Variants in SNTG1 observed in about 807,000 individuals in gnomAD.
SNTG1 encodes the protein syntrophin gamma 1.
In SNTG1, 39 loss-of-function variants were observed where a neutral mutation model predicts 74.7. The ratio of observed to expected loss-of-function variants is 0.52; its 90% CI spans 0.40 to 0.68. SNTG1 has a LOEUF of 0.68. Among genes scored for constraint, SNTG1 ranks in the 30% least tolerant of loss-of-function variants. The pLI is 0.00. For synonymous variants in SNTG1, 254 were observed against 217.1 expected, an observed-to-expected ratio of 1.17 and a Z score of -1.49; for missense variants, 685 against 609.5, an observed-to-expected ratio of 1.12 and a Z score of -1.30.
At chr8:50,410,080 ACTAATAT>A (rs2092927765) in intron 4 of SNTG1, among the ~76,000 whole-genome samples, 1 of 152,240 alleles carries the variant, frequency 6.6e-6, no homozygotes, top group African/African-American at 2.4e-5. Flanking sequence ...CTTTAAGAGA[ACTAATAT>A]CTACTATTAA....
intron 2 of SNTG1, among the ~76,000 whole-genome samples, chr8:50,354,594 GT>G (rs915060164): frequency 7.9e-5 from 12 of 152,088 alleles, no homozygotes; most frequent in Non-Finnish European, 1.2e-4. Context: ...TGTTATATTA[GT>G]TTTTTTTATT....
chr8:50,105,205 T>C (rs1351958155), intron 1 of SNTG1, among the ~76,000 whole-genome samples: 1 of 152,188 alleles, frequency 6.6e-6, no homozygotes, highest in Non-Finnish European at 1.5e-5. Context: ...TTGATTTATG[T>C]ATATGGCGTA....
intron 17 of SNTG1, among the ~76,000 whole-genome samples, chr8:50,740,607 A>G (rs2095540946): frequency 6.6e-6 from 1 of 152,104 alleles, no homozygotes; most frequent in Non-Finnish European, 1.5e-5. Context: ...TAAAAATAGA[A>G]ATATTATTTA....
intron 2 of SNTG1, among the ~76,000 whole-genome samples, chr8:50,253,794 T>A (rs1369872170): frequency 6.6e-6 from 1 of 151,800 alleles, no homozygotes; most frequent in Non-Finnish European, 1.5e-5. Context: ...AAGAACATTA[T>A]GTTAAGTGAA....
chr8:50,653,077 C>G (rs894886180), intron 13 of SNTG1, among the ~76,000 whole-genome samples: 11 of 151,816 alleles, frequency 7.2e-5, no homozygotes, highest in African/African-American at 2.2e-4. Flanking sequence ...CTTACAGAGA[C>G]AGAATATAGG....
rs60897202 is a variant in SNTG1 at position 50,734,920 on chromosome 8, T to G, written c.1285-17081T>G. ...GGACATATATATATCTATATATATG[T>G]CCATATACATATATAGATATATATG... On this transcript the variant is annotated intron_variant, in intron 17 of 18. Transcript: ENST00000642720. Among the ~76,000 whole-genome samples the G allele has an allele frequency of 2.0e-3, 279 of 140,198 alleles. 2 individuals carry two copies. The highest frequency in any genetic ancestry group is 3.9e-3 in the African/African-American group (147 of 38,104). The allele number at this position is 140,198 out of a possible 152,430, so 92.0% of individuals were successfully genotyped here. A position where few individuals can be genotyped will look rare whatever the true frequency, so the allele number is the denominator to read the frequency against.
chr8:50,700,222 T>C (rs1458927934), intron 15 of SNTG1, among the ~76,000 whole-genome samples: 1 of 152,174 alleles, frequency 6.6e-6, no homozygotes, highest in Non-Finnish European at 1.5e-5. Flanking sequence ...TCTAAGAGTA[T>C]CTTATTTAGT....
rs1050083854 is a variant in SNTG1 at position 50,361,117 on chromosome 8, T to G, written c.-27-33095T>G. Among the ~76,000 whole-genome samples, 9 of 152,184 alleles carry G rather than the reference T, an allele frequency of 5.9e-5. 1 individual carries two copies. Among genetic ancestry groups the G allele is most frequent in the Admixed American group, 3.9e-4 (6 of 15,278 alleles). On this transcript the variant is annotated intron_variant, in intron 2 of 18. Transcript: ENST00000642720. ...TCCTTGTTCTATAAGCTTTTTTCTA[T>G]TTTATTTTTTGAATTTTAACTTTTT...
intron 1 of SNTG1, among the ~76,000 whole-genome samples, chr8:49,958,226 G>T (rs1041807358): frequency 6.6e-6 from 1 of 152,098 alleles, no homozygotes; most frequent in Admixed American, 6.5e-5. Context: ...CAGCACTTTA[G>T]GTTCACTGTA....
At chr8:50,771,383 T>A (rs1035692005) in intron 18 of SNTG1, among the ~76,000 whole-genome samples, 1 of 152,212 alleles carries the variant, frequency 6.6e-6, no homozygotes, top group Non-Finnish European at 1.5e-5. Flanking sequence ...AAGGTCAAAC[T>A]TAAGAGTGAT....
intron 13 of SNTG1, among the ~76,000 whole-genome samples, chr8:50,621,043 C>T (rs1485165541): frequency 6.9e-6 from 1 of 144,434 alleles, no homozygotes; most frequent in African/African-American, 2.6e-5. Context: ...TTATGCAGGG[C>T]TGTAACCATA....
At chr8:50,689,425 A>G (rs1057430623) in intron 15 of SNTG1, among the ~76,000 whole-genome samples, 1 of 152,250 alleles carries the variant, frequency 6.6e-6, no homozygotes, top group Non-Finnish European at 1.5e-5. Context: ...ACATCCCATC[A>G]ATACCTAGTT....
rs114891026 is a variant in SNTG1, at chr8:50,418,856, T to C, written c.162+16512T>C. Reference sequence around the variant, plus strand: ...AATCTCTCATTACTCTACTCTTTCATTGAAGCCACATCCAATCAGTTTAAA... The same window carrying C: ...AATCTCTCATTACTCTACTCTTTCACTGAAGCCACATCCAATCAGTTTAAA... On this transcript the variant is annotated intron_variant, in intron 4 of 18. Coordinates refer to ENST00000642720, the MANE Select transcript of SNTG1 (RefSeq NM_018967.5). Among the ~76,000 whole-genome samples, 936 of 152,264 alleles carry C rather than the reference T, an allele frequency of 6.1e-3. 8 individuals carry two copies. Among genetic ancestry groups the C allele is most frequent in the African/African-American group, 0.018 (747 of 41,562 alleles).
At chr8:50,128,720 A>G (rs2081223470) in intron 1 of SNTG1, among the ~76,000 whole-genome samples, 1 of 152,170 alleles carries the variant, frequency 6.6e-6, no homozygotes, top group Non-Finnish European at 1.5e-5. Flanking sequence ...AGTTAACTTA[A>G]GTTCTTACCC....
chr8:50,734,856 T>C (rs28514747), intron 17 of SNTG1, among the ~76,000 whole-genome samples: 1 of 118,550 alleles, frequency 8.4e-6, no homozygotes, highest in East Asian at 2.2e-4. Context: ...TGGACATATA[T>C]ATATCTATAT....
chr8:50,632,303 T>G (rs1014270678), intron 13 of SNTG1, among the ~76,000 whole-genome samples: 1 of 150,898 alleles, frequency 6.6e-6, no homozygotes, highest in Non-Finnish European at 1.5e-5. Context: ...ATTTATTTAT[T>G]TATTTATTTA....
chr8:50,474,607 G>C (rs1441063230), intron 8 of SNTG1, among the ~76,000 whole-genome samples: 1 of 152,090 alleles, frequency 6.6e-6, no homozygotes, highest in Non-Finnish European at 1.5e-5. Flanking sequence ...GGAGAAATAG[G>C]AACACTTTTA....
intron 4 of SNTG1, among the ~76,000 whole-genome samples, chr8:50,434,706 CA>C: frequency 6.6e-6 from 1 of 152,264 alleles, no homozygotes; most frequent in South Asian, 2.1e-4. Context: ...AATGTCTGTT[CA>C]TATGTACACA....
chr8:50,217,952 T>C (rs1444399918), intron 2 of SNTG1, among the ~76,000 whole-genome samples: 1 of 152,196 alleles, frequency 6.6e-6, no homozygotes, highest in African/African-American at 2.4e-5. Context: ...TTCCTGGTTC[T>C]TAATGTTGTT....
Sources: gnomAD v4.1 joint callset for allele counts (sites outside exome capture counted in the v4.1 genomes callset) on GRCh38, gnomAD v4.1.1 for gene constraint, MANE v1.5 for transcripts, NCBI Gene and HGNC (gene_info 2026-07-23, HGNC 2026-07-21) for gene names.